Variants in MAD1L1 observed in about 807,000 individuals in gnomAD.
MAD1L1 encodes mitotic arrest deficient 1 like 1, also known as mitotic spindle assembly checkpoint protein MAD1.
In MAD1L1, 95 loss-of-function variants were observed where a neutral mutation model predicts 96.9. The observed-to-expected ratio is 0.98, with a 90% CI of 0.83 to 1.16. MAD1L1 has a LOEUF of 1.16. MAD1L1 is among the 50% of genes most tolerant of loss of function. The pLI, the probability that MAD1L1 is intolerant of heterozygous loss-of-function variation, is 0.00. For synonymous variants in MAD1L1, 473 were observed against 396.6 expected (o/e 1.19, Z -2.29); for missense variants, 1,007 against 954.4 (o/e 1.06, Z -0.73).
Position 1,819,241 on chromosome 7 carries a change from C to T in MAD1L1, c.1999-3013G>A, listed in dbSNP as rs533368461. ...TAAAAAGCAAATTGCCAGTAAGACA[C>T]GTTGGCTGTGGCTGGAAATACTTCT... is the stretch of plus-strand genomic sequence containing the variant. On this transcript the variant is annotated intron_variant, in intron 18 of 18. Coordinates refer to ENST00000265854, the MANE Select transcript of MAD1L1 (RefSeq NM_001013836.2). 4.1e-4 allele frequency among the ~76,000 whole-genome samples: 62 copies of T among 152,292 alleles called. 1 individual carries two copies. The highest frequency in any genetic ancestry group is 9.1e-4 in the African/African-American group (38 of 41,592).
chr7:1,834,199 T>C (rs1199818448), intron 18 of MAD1L1, among the ~76,000 whole-genome samples: 3 of 152,102 alleles, frequency 2.0e-5, no homozygotes, highest in Admixed American at 2.0e-4. Flanking sequence ...GGGAAACTTA[T>C]AGCACTGAAT....
intron 11 of MAD1L1, among the ~76,000 whole-genome samples, chr7:2,126,280 G>A (rs1046127927): frequency 3.3e-5 from 5 of 152,214 alleles, no homozygotes; most frequent in Non-Finnish European, 7.3e-5. Flanking sequence ...AACCCTCGGA[G>A]GGCCCCAGGT....
chr7:1,978,349 G>A (rs535300677), intron 15 of MAD1L1, among the ~76,000 whole-genome samples: 4 of 152,360 alleles, frequency 2.6e-5, no homozygotes, highest in Non-Finnish European at 5.9e-5. Flanking sequence ...TTGCAAGTCA[G>A]GGTGTGTGTG....
chr7:1,878,739 C>T (rs868864906), intron 18 of MAD1L1, among the ~76,000 whole-genome samples: 1,653 of 148,666 alleles, frequency 0.011, 32 homozygotes, highest in African/African-American at 0.036. Flanking sequence ...TGTCCCCCCC[C>T]CCCCATTCTT....
chr7:1,892,657 C>T (rs1208964608), intron 18 of MAD1L1, among the ~76,000 whole-genome samples: 2 of 151,708 alleles, frequency 1.3e-5, no homozygotes, highest in African/African-American at 4.8e-5. Flanking sequence ...GACCTGTATA[C>T]CTTTCCCCCT....
chr7:1,820,741 T>C, intron 18 of MAD1L1, among the ~76,000 whole-genome samples: 1 of 151,540 alleles, frequency 6.6e-6, no homozygotes, highest in Non-Finnish European at 1.5e-5. Flanking sequence ...AAACCCTGTC[T>C]CAAAAATTTG....
At chr7:2,059,428 G>A (rs1409411029) in intron 12 of MAD1L1, among the ~76,000 whole-genome samples, 2 of 146,952 alleles carry the variant, frequency 1.4e-5, no homozygotes, top group African/African-American at 2.5e-5. Flanking sequence ...AGAGGCACGG[G>A]GTTGGAGAGG....
chr7:2,160,477 C>A (rs1286420284), intron 10 of MAD1L1, among the ~76,000 whole-genome samples: 1 of 151,534 alleles, frequency 6.6e-6, no homozygotes, highest in South Asian at 2.1e-4. Flanking sequence ...GGACTACAGG[C>A]GCCCACCACC....
chr7:2,205,964 C>G (rs1234451191), intron 10 of MAD1L1, among the ~76,000 whole-genome samples: 2 of 152,010 alleles, frequency 1.3e-5, no homozygotes, highest in East Asian at 3.9e-4. Flanking sequence ...TGAAACCTGT[C>G]TCTATTAAAA....
At chr7:2,083,239 G>A (rs138768612) in intron 11 of MAD1L1, among the ~76,000 whole-genome samples, 98 of 152,340 alleles carry the variant, frequency 6.4e-4, no homozygotes, top group African/African-American at 2.3e-3. Flanking sequence ...AGAGAGGAAG[G>A]CACCCATTCG....
intron 10 of MAD1L1, among the ~76,000 whole-genome samples, chr7:2,174,434 G>A (rs1292923869): frequency 6.6e-6 from 1 of 152,144 alleles, no homozygotes; most frequent in Non-Finnish European, 1.5e-5. Context: ...TTCATCCACT[G>A]GACTGGGTAC....
intron 17 of MAD1L1, among the ~76,000 whole-genome samples, chr7:1,931,971 C>T (rs568968288): frequency 1.3e-5 from 2 of 152,294 alleles, no homozygotes; most frequent in South Asian, 2.1e-4. Context: ...GTGTGTGGCA[C>T]GCAGGGAAGG....
intron 12 of MAD1L1, among the ~76,000 whole-genome samples, chr7:2,048,672 T>G (rs1373287430): frequency 1.3e-5 from 2 of 152,114 alleles, no homozygotes; most frequent in African/African-American, 4.8e-5. Context: ...CCTCCGCCCC[T>G]CTGTGAAGAA....
At chr7:2,206,708 T>G (rs867593281) in intron 10 of MAD1L1, among the ~76,000 whole-genome samples, 15 of 152,378 alleles carry the variant, frequency 9.8e-5, no homozygotes, top group Middle Eastern at 6.8e-3. Context: ...AATTGGCCAG[T>G]GTAAGCTGTA....
chr7:2,048,017 A>T (rs925953438), intron 12 of MAD1L1, among the ~76,000 whole-genome samples: 1 of 152,196 alleles, frequency 6.6e-6, no homozygotes, highest in Non-Finnish European at 1.5e-5. Context: ...ACATGCGCAC[A>T]CAAGTACACA....
At chr7:2,100,173 G>A (rs993957079) in intron 11 of MAD1L1, among the ~76,000 whole-genome samples, 7 of 152,194 alleles carry the variant, frequency 4.6e-5, no homozygotes, top group African/African-American at 1.7e-4. Context: ...GACGGCCAGC[G>A]CAGTCAGCTG....
At chr7:1,996,033 A>G in intron 14 of MAD1L1, among the ~76,000 whole-genome samples, 1 of 152,228 alleles carries the variant, frequency 6.6e-6, no homozygotes. Context: ...ACCAGCACTG[A>G]CGAGGGGCTC....
intron 14 of MAD1L1, among the ~76,000 whole-genome samples, chr7:1,987,388 C>T (rs984441836): frequency 3.3e-5 from 5 of 152,258 alleles, no homozygotes; most frequent in Non-Finnish European, 7.3e-5. Flanking sequence ...TTCCCAGGCA[C>T]GTCCAGCGTG....
intron 17 of MAD1L1, among the ~76,000 whole-genome samples, chr7:1,924,899 C>T (rs746388035): frequency 7.3e-5 from 11 of 151,440 alleles, no homozygotes; most frequent in South Asian, 2.1e-4. Flanking sequence ...ATAAGTGCAC[C>T]GTGAAATGTT....
Sources: allele counts gnomAD v4.1 joint callset (sites outside exome capture counted in the v4.1 genomes callset), GRCh38; gene constraint gnomAD v4.1.1; transcripts MANE v1.5; gene names NCBI Gene and HGNC (gene_info 2026-07-23, HGNC 2026-07-21).